SLC26A7: variants seen among roughly 807,000 people sequenced by gnomAD.
SLC26A7 encodes solute carrier family 26 member 7, also known as anion exchange transporter.
Under a neutral mutation model 82.5 loss-of-function variants are expected in SLC26A7, and 59 were observed. That is an observed-to-expected ratio of 0.72 (90% CI 0.58 to 0.89). The LOEUF (loss-of-function observed/expected upper bound fraction) is 0.89, where lower values mean the gene tolerates loss of function less well. SLC26A7 is among the 40% of genes least tolerant of loss of function. SLC26A7 has a pLI of 0.00. For missense variants in SLC26A7, 820 were observed against 793.0 expected, an observed-to-expected ratio of 1.03 and a Z score of -0.41; for synonymous variants, 271 against 274.3, an observed-to-expected ratio of 0.99 and a Z score of 0.12.
chr8:91,356,556 A>G (rs767675839), intron 11 of SLC26A7, among the ~76,000 whole-genome samples: 8 of 151,948 alleles, frequency 5.3e-5, no homozygotes, highest in East Asian at 3.9e-4. Flanking sequence ...CATATCCTTC[A>G]CCCACTTTTT....
At chr8:91,327,205 T>G (rs890599043) in intron 5 of SLC26A7, among the ~76,000 whole-genome samples, 1 of 152,038 alleles carries the variant, frequency 6.6e-6, no homozygotes, top group African/African-American at 2.4e-5. Flanking sequence ...TTGCTTGTTT[T>G]TTGTTTGTTT....
intron 2 of SLC26A7, among the ~76,000 whole-genome samples, chr8:91,268,622 ACTGT>A (rs1001873765): frequency 3.3e-5 from 5 of 151,758 alleles, no homozygotes; most frequent in East Asian, 1.9e-4. Flanking sequence ...ATAGTGACAC[ACTGT>A]CTGTGTGTCT....
Position 91,260,491 on chromosome 8 carries a change from A to G in SLC26A7, c.193+10647A>G, listed in dbSNP as rs1036205120. 3.3e-5 allele frequency among the ~76,000 whole-genome samples: 5 copies of G among 152,118 alleles called. No individual in the cohort carries two copies. In the East Asian group the frequency reaches 7.7e-4, roughly 23 times the overall value. ...TGAGGGCAGAGATTATTTACAGCCTAGGAAGACCAATCACCTTGGCTTTAG... is the reference window on the plus strand; with the variant it reads ...TGAGGGCAGAGATTATTTACAGCCTGGGAAGACCAATCACCTTGGCTTTAG... On this transcript the variant is annotated intron_variant, in intron 2 of 18. Transcript: ENST00000276609.
At chr8:91,264,720 C>A (rs1811062754) in intron 2 of SLC26A7, among the ~76,000 whole-genome samples, 1 of 151,990 alleles carries the variant, frequency 6.6e-6, no homozygotes, top group African/African-American at 2.4e-5. Context: ...TCATTAAGTA[C>A]AGATGTTCAG....
At chr8:91,355,636 T>A (rs1340838857) in intron 11 of SLC26A7, among the ~76,000 whole-genome samples, 1 of 152,050 alleles carries the variant, frequency 6.6e-6, no homozygotes, top group Non-Finnish European at 1.5e-5. Flanking sequence ...TTGTTGATCA[T>A]TCCTTCTTTG....
At chr8:91,219,261 A>T in intron 2 of SLC26A7, 1 of 275,664 alleles carries the variant, frequency 3.6e-6, no homozygotes, top group Non-Finnish European at 6.7e-6. Flanking sequence ...CAAGTGAGTT[A>T]TTTTTTCCTG....
chr8:91,389,900 C>G (rs535858929), intron 16 of SLC26A7, among the ~76,000 whole-genome samples: 1 of 152,330 alleles, frequency 6.6e-6, no homozygotes, highest in African/African-American at 2.4e-5. Context: ...AGGGGCTTTT[C>G]TCTGTTCTCT....
At chr8:91,227,367 CTGTT>C (rs1192337413) in intron 2 of SLC26A7, among the ~76,000 whole-genome samples, 1 of 152,122 alleles carries the variant, frequency 6.6e-6, no homozygotes, top group Non-Finnish European at 1.5e-5. Flanking sequence ...GTTTCTTTCA[CTGTT>C]TGTTATAAAC....
intron 2 of SLC26A7, among the ~76,000 whole-genome samples, chr8:91,234,917 T>C (rs1810371922): frequency 6.6e-6 from 1 of 151,294 alleles, no homozygotes; most frequent in Non-Finnish European, 1.5e-5. Context: ...TGTTTCTTTC[T>C]TTCTTTCTTT....
rs534514120 is a variant in SLC26A7, at chr8:91,340,106, G to C, written c.879-298G>C. ...GAAAGAATGCTCCAGATTTGCTTTT[G>C]TTCTGATACAGGAAATTTCTGTCGA... is the stretch of plus-strand genomic sequence containing the variant. On this transcript the variant is annotated intron_variant, in intron 7 of 18. Coordinates refer to ENST00000276609, the MANE Select transcript of SLC26A7 (RefSeq NM_052832.4). Among the ~76,000 whole-genome samples, 3 of 152,240 alleles carry C rather than the reference G, an allele frequency of 2.0e-5. No individual in the cohort carries two copies. The South Asian group carries it at 6.2e-4, about 32-fold the overall frequency.
intron 2 of SLC26A7, among the ~76,000 whole-genome samples, chr8:91,235,097 AT>A (rs887163588): frequency 9.9e-5 from 15 of 151,658 alleles, no homozygotes; most frequent in Non-Finnish European, 1.8e-4. Context: ...TTTTTTAAAA[AT>A]TTTTTTGTGG....
chr8:91,263,834 G>T (rs1293435261), intron 2 of SLC26A7, among the ~76,000 whole-genome samples: 1 of 151,980 alleles, frequency 6.6e-6, no homozygotes, highest in African/African-American at 2.4e-5. Context: ...AGATCTGTAG[G>T]TGCAGGGATA....
intron 2 of SLC26A7, among the ~76,000 whole-genome samples, chr8:91,285,809 A>C (rs1316784581): frequency 1.3e-5 from 2 of 152,190 alleles, no homozygotes; most frequent in Non-Finnish European, 2.9e-5. Context: ...TTACAATAAA[A>C]AGGTAAGGCT....
Position 91,295,690 on chromosome 8 carries a change from G to A in SLC26A7, c.464G>A (p.Gly155Glu). 1.2e-6 allele frequency: 2 copies of A among 1,613,884 alleles called. No homozygotes were observed. The highest frequency in any genetic ancestry group is 8.5e-7 in the Non-Finnish European group (1 of 1,179,878). ...GTTGCTGCAGCAGTTTCCTTCTTGG[G>A]AGGTGTGATTCAGGTAAGTGATACT... ...IHVAAAVSFL[G>E]GVIQVAMFVL... Residue 155 changes from glycine (G) to glutamate (E), a missense_variant, in exon 4 of 19, where the codon GGA (glycine) becomes GAA (glutamate). Physicochemically the swap from Gly to Glu is moderately conservative, Grantham distance 98. Transcript: ENST00000276609.
chr8:91,244,310 C>T (rs1440376081), upstream of SLC26A7, among the ~76,000 whole-genome samples: 1 of 151,556 alleles, frequency 6.6e-6, no homozygotes, highest in Non-Finnish European at 1.5e-5. Flanking sequence ...CTTTTCTTCT[C>T]TTCCTTTCTC....
intron 11 of SLC26A7, among the ~76,000 whole-genome samples, chr8:91,357,015 C>T (rs933601192): frequency 6.6e-6 from 1 of 152,150 alleles, no homozygotes; most frequent in African/African-American, 2.4e-5. Context: ...TCTCTCCATT[C>T]TTCATCTTGT....
At chr8:91,253,818 G>T (rs766750465) in intron 2 of SLC26A7, among the ~76,000 whole-genome samples, 8 of 152,148 alleles carry the variant, frequency 5.3e-5, no homozygotes, top group South Asian at 2.1e-4. Flanking sequence ...CTGGAAACAA[G>T]ACAATGTCTT....
intron 2 of SLC26A7, among the ~76,000 whole-genome samples, chr8:91,257,764 T>C (rs1244960427): frequency 6.6e-6 from 1 of 152,112 alleles, no homozygotes; most frequent in Non-Finnish European, 1.5e-5. Context: ...GTTCCATAGA[T>C]AAACATGTGT....
chr8:91,247,649 G>A (rs1810563516), upstream of SLC26A7, among the ~76,000 whole-genome samples: 1 of 151,884 alleles, frequency 6.6e-6, no homozygotes, highest in South Asian at 2.1e-4. Flanking sequence ...CCCTCTCTTG[G>A]TCTTGAAATG....
Sources: gnomAD v4.1 joint callset for allele counts (sites outside exome capture counted in the v4.1 genomes callset) on GRCh38, gnomAD v4.1.1 for gene constraint, MANE v1.5 for transcripts, NCBI Gene and HGNC (gene_info 2026-07-23, HGNC 2026-07-21) for gene names.